PODXL: variants seen among roughly 807,000 people sequenced by gnomAD.
PODXL encodes podocalyxin.
PODXL carries 20 observed loss-of-function variants against 48.9 expected under a neutral mutation model. The observed-to-expected ratio is 0.41, with a 90% CI of 0.29 to 0.59. The LOEUF (loss-of-function observed/expected upper bound fraction) is 0.59. PODXL is among the 20% of genes least tolerant of loss of function. PODXL has a pLI of 0.31. For missense variants in PODXL, 606 were observed against 675.1 expected (o/e 0.90, Z 1.13); for synonymous variants, 295 against 287.4 (o/e 1.03, Z -0.27).
intron 1 of PODXL, among the ~76,000 whole-genome samples, chr7:131,524,379 C>CACACACAGAGAGAG (rs746255906): frequency 3.5e-4 from 36 of 104,106 alleles, no homozygotes; most frequent in African/African-American, 9.7e-4. Flanking sequence ...CACACACACA[C>CACACACAGAGAGAG]AGAGAGAGAG....
intron 1 of PODXL, among the ~76,000 whole-genome samples, chr7:131,522,543 G>A (rs1046902660): frequency 6.6e-6 from 1 of 152,236 alleles, no homozygotes; most frequent in Non-Finnish European, 1.5e-5. Flanking sequence ...GGGACCCACA[G>A]AGATATTACT....
chr7:131,534,370 A>C (rs1391474844), intron 1 of PODXL, among the ~76,000 whole-genome samples: 1 of 152,178 alleles, frequency 6.6e-6, no homozygotes, highest in Non-Finnish European at 1.5e-5. Context: ...TCAGAGATGG[A>C]GGGAGGGGCT....
intron 1 of PODXL, among the ~76,000 whole-genome samples, chr7:131,535,298 C>G (rs556745425): frequency 2.0e-5 from 3 of 152,106 alleles, no homozygotes; most frequent in Admixed American, 6.5e-5. Context: ...GTACTTAATG[C>G]CACTGAACTG....
intron 1 of PODXL, among the ~76,000 whole-genome samples, chr7:131,518,413 G>A (rs546101969): frequency 7.9e-5 from 12 of 152,300 alleles, no homozygotes; most frequent in African/African-American, 2.6e-4. Flanking sequence ...TCTCCTGAAC[G>A]GGTCTGGTGA....
At chr7:131,526,016 C>T (rs1254534370) in intron 1 of PODXL, among the ~76,000 whole-genome samples, 7 of 152,160 alleles carry the variant, frequency 4.6e-5, no homozygotes, top group Non-Finnish European at 5.9e-5. Context: ...GCTCTGTCCA[C>T]TCAGAGCATC....
Position 131,504,130 on chromosome 7 carries a change from C to T in PODXL, c.*181G>A. ...TAGTGGGTTATTTTACAAGAGGAATCTGGACAGAATGTGATTTGTTCAGGT... is the reference window on the plus strand; with the variant it reads ...TAGTGGGTTATTTTACAAGAGGAATTTGGACAGAATGTGATTTGTTCAGGT... On this transcript the variant is annotated 3_prime_UTR_variant, in exon 9 of 9. Transcript: ENST00000378555. The T allele has an allele frequency of 1.7e-6, 1 of 602,402 alleles. No homozygotes were observed. 37.3% of individuals were successfully genotyped at this position (602,402 alleles called of 1,614,324 possible).
intron 1 of PODXL, among the ~76,000 whole-genome samples, chr7:131,533,173 G>T (rs1798311823): frequency 6.6e-6 from 1 of 152,180 alleles, no homozygotes; most frequent in African/African-American, 2.4e-5. Flanking sequence ...AGGTAGATAA[G>T]TGCAGCCACA....
chr7:131,555,102 G>A (rs934575589), intron 1 of PODXL, among the ~76,000 whole-genome samples: 3 of 152,154 alleles, frequency 2.0e-5, no homozygotes, highest in Non-Finnish European at 4.4e-5. Context: ...GGTTTCCTGC[G>A]GTGCAGAGGA....
At position 131,541,766 on chromosome 7, in the gene PODXL, A is replaced by T. The variant is rs144536249; in HGVS notation, c.100+14494T>A. Among the ~76,000 whole-genome samples, 438 of 152,150 alleles carry T rather than the reference A, an allele frequency of 2.9e-3. 2 individuals carry two copies. The highest frequency in any genetic ancestry group is 9.9e-3 in the African/African-American group (409 of 41,510). On this transcript the variant is annotated intron_variant, in intron 1 of 8. Transcript: ENST00000378555. Reference sequence around the variant, plus strand: ...TTGTCCCCTGCCAGGGCCTGCAGGGAAAGTTAAAGGCCATGTTCCTTTTAA... The same window carrying T: ...TTGTCCCCTGCCAGGGCCTGCAGGGTAAGTTAAAGGCCATGTTCCTTTTAA...
chr7:131,524,370 A>ACACG (rs1554385098), intron 1 of PODXL, among the ~76,000 whole-genome samples: 1 of 114,566 alleles, frequency 8.7e-6, no homozygotes, highest in Non-Finnish European at 1.7e-5. Flanking sequence ...ACGCACACAC[A>ACACG]CACACACACA....
chr7:131,549,632 C>T (rs1798637506), intron 1 of PODXL, among the ~76,000 whole-genome samples: 1 of 152,116 alleles, frequency 6.6e-6, no homozygotes, highest in Non-Finnish European at 1.5e-5. Flanking sequence ...CAGCGTAGAC[C>T]CCAGGTCAGT....
chr7:131,517,112 T>G (rs1214763940), intron 1 of PODXL, among the ~76,000 whole-genome samples: 1 of 152,182 alleles, frequency 6.6e-6, no homozygotes, highest in Admixed American at 6.5e-5. Flanking sequence ...AGAGGACTAT[T>G]CATATGTTCT....
At chr7:131,524,377 C>CAGAGAGAGAGAG (rs1451998492) in intron 1 of PODXL, among the ~76,000 whole-genome samples, 10 of 24,068 alleles carry the variant, frequency 4.2e-4, no homozygotes, top group African/African-American at 1.1e-3. Context: ...CACACACACA[C>CAGAGAGAGAGAG]ACAGAGAGAG....
At chr7:131,512,669 T>A (rs1797934356) in intron 1 of PODXL, among the ~76,000 whole-genome samples, 1 of 152,050 alleles carries the variant, frequency 6.6e-6, no homozygotes, top group Non-Finnish European at 1.5e-5. Context: ...TTTTTGAGAA[T>A]AAAAGGCCCT....
chr7:131,500,471 C>A lies in PODXL; in HGVS notation c.*3840G>T, dbSNP rs1481767845. 6.6e-6 allele frequency: 1 copy of A among 152,612 alleles called. No individual in the cohort carries two copies. The highest frequency in any genetic ancestry group is 6.5e-5 in the Admixed American group (1 of 15,280). The allele number at this position is 152,612 out of a possible 1,614,324, so 9.5% of individuals were successfully genotyped here. On this transcript the variant is annotated 3_prime_UTR_variant, in exon 9 of 9. Coordinates refer to ENST00000378555, the MANE Select transcript of PODXL (RefSeq NM_001018111.3). ...TGAACATTCACTGCAGACAAAAAGA[C>A]CAACACCAAAGAGTCATCTGTGTCC...
At chr7:131,532,517 T>TTTGA (rs1308676996) in intron 1 of PODXL, among the ~76,000 whole-genome samples, 2 of 45,974 alleles carry the variant, frequency 4.4e-5, no homozygotes, top group South Asian at 5.0e-4. Context: ...ATCTTTTTTT[T>TTTGA]GGAGGGGGGG....
At chr7:131,516,734 C>CTT (rs1269886281) in intron 1 of PODXL, among the ~76,000 whole-genome samples, 8 of 64,598 alleles carry the variant, frequency 1.2e-4, no homozygotes, top group South Asian at 5.2e-4. Context: ...GCTTTTTTTT[C>CTT]TCTTTTTTTT....
intron 1 of PODXL, among the ~76,000 whole-genome samples, chr7:131,526,052 T>C (rs1798180856): frequency 6.6e-6 from 1 of 152,202 alleles, no homozygotes; most frequent in Non-Finnish European, 1.5e-5. Context: ...ACCAGTAGCA[T>C]AGGGTACACC....
At chr7:131,530,751 A>G (rs1344735502) in intron 1 of PODXL, among the ~76,000 whole-genome samples, 1 of 136,126 alleles carries the variant, frequency 7.3e-6, no homozygotes, top group Non-Finnish European at 1.5e-5. Context: ...GGGAAAGATC[A>G]TGTCTCAGAA....
Sources: gnomAD v4.1 joint callset for allele counts (sites outside exome capture counted in the v4.1 genomes callset) on GRCh38, gnomAD v4.1.1 for gene constraint, MANE v1.5 for transcripts, NCBI Gene and HGNC (gene_info 2026-07-23, HGNC 2026-07-21) for gene names.